DISP3: variants seen among roughly 807,000 people sequenced by gnomAD.
The protein encoded by DISP3 is protein dispatched homolog 3.
DISP3 carries 101 observed loss-of-function variants against 135.3 expected under a neutral mutation model. The observed-to-expected ratio is 0.75, with a 90% CI of 0.64 to 0.88. DISP3 has a LOEUF of 0.88. Ranked by LOEUF, DISP3 falls within the 40% of genes least tolerant of loss-of-function variation. The pLI is 0.00. For synonymous variants in DISP3, 856 were observed against 817.0 expected (o/e 1.05, Z -0.81); for missense variants, 1,713 against 1,878.6 (o/e 0.91, Z 1.63).
chr1:11,481,003 C>T (rs1056644441), intron 1 of DISP3, among the ~76,000 whole-genome samples: 2 of 151,758 alleles, frequency 1.3e-5, no homozygotes, highest in African/African-American at 4.8e-5. Context: ...TTTGCTTGTA[C>T]CCTCTGTTTC....
In DISP3 at chr1:11,531,451, G is replaced by T. The variant is rs1045640380; in HGVS notation, c.3230-114G>T. The T allele has an allele frequency of 9.5e-6, 14 of 1,470,386 alleles. No homozygotes were observed. The highest frequency in any genetic ancestry group is 1.3e-5 in the Non-Finnish European group (14 of 1,065,012). The allele number at this position is 1,470,386 out of a possible 1,614,324, so 91.1% of individuals were successfully genotyped here. A position where few individuals can be genotyped will look rare whatever the true frequency, so the allele number is the denominator to read the frequency against. ...TAGGTTTCCCAATGCCGTTGCCAATGGTTACAAGCACTCTAAGCCTCAGAG... is the reference window on the plus strand; with the variant it reads ...TAGGTTTCCCAATGCCGTTGCCAATTGTTACAAGCACTCTAAGCCTCAGAG... On this transcript the variant is annotated intron_variant, in intron 16 of 20. Coordinates refer to ENST00000294484, the MANE Select transcript of DISP3 (RefSeq NM_020780.2). The surrounding 1 kb of genome is among the most constrained non-coding windows in gnomAD (Gnocchi z 5.2).
At position 11,501,596 on chromosome 1, in the gene DISP3, C is replaced by G. The variant is rs1475982304; in HGVS notation, c.604C>G (p.Arg202Gly). The G allele has an allele frequency of 6.3e-7, 1 of 1,598,996 alleles. No homozygotes were observed. Among genetic ancestry groups the G allele is most frequent in the Non-Finnish European group, 8.5e-7 (1 of 1,171,882 alleles). ...AQKPTANRSG[R>G]LRRETPPLED... ...AAAGCCCACAGCCAATCGGAGCGGG[C>G]GACTTCGGCGTGAGACCCCGCCCCT... Residue 202 changes from arginine to glycine, a missense_variant, in exon 2 of 21, where the codon CGA becomes GGA. By Grantham distance (125) the Arg-to-Gly change is moderately radical (BLOSUM62 -2). Transcript: ENST00000294484. This position sits in a 1 kb window ranked among gnomAD's most constrained non-coding sequence, Gnocchi z 4.9.
At position 11,533,646 on chromosome 1, in the gene DISP3, A is replaced by G. The variant is rs574359577; in HGVS notation, c.3376-735A>G. On this transcript the variant is annotated intron_variant, in intron 17 of 20. Transcript: ENST00000294484. ...CCCTCTGCAGACTGAAGCCCCAGGC[A>G]GTTCCAGGGAGGAGAGAAGTCCCCA... The G allele has an allele frequency of 3.7e-5, 24 of 641,584 alleles. No individual in the cohort carries two copies. The South Asian group carries it at 3.9e-4, about 10-fold the overall frequency. The allele number at this position is 641,584 out of a possible 1,614,324, so 39.7% of individuals were successfully genotyped here.
chr1:11,523,302 C>T (rs1325471219), intron 10 of DISP3, among the ~76,000 whole-genome samples: 1 of 152,234 alleles, frequency 6.6e-6, no homozygotes, highest in African/African-American at 2.4e-5. Context: ...ATATGTCTCC[C>T]ACCATGTCTG....
In DISP3 at chr1:11,531,050, G is replaced by T. The variant is rs1050728111; in HGVS notation, c.3229+17G>T. 2.5e-6 allele frequency: 4 copies of T among 1,612,476 alleles called. No homozygotes were observed. Among genetic ancestry groups the T allele is most frequent in the Non-Finnish European group, 2.5e-6 (3 of 1,179,854 alleles). Reference sequence around the variant, plus strand: ...TGCCTTCAGGTGCGTGGGGTGTGGGGAGCTGGTTCCTCCGAGGGAGGATGG... The same window carrying T: ...TGCCTTCAGGTGCGTGGGGTGTGGGTAGCTGGTTCCTCCGAGGGAGGATGG... On this transcript the variant is annotated intron_variant, in intron 16 of 20. Coordinates refer to ENST00000294484, the MANE Select transcript of DISP3 (RefSeq NM_020780.2). This position sits in a 1 kb window ranked among gnomAD's most constrained non-coding sequence, Gnocchi z 5.2.
Position 11,501,034 on chromosome 1 carries a change from AGAG to A in DISP3, c.49_51del (p.Glu17del), listed in dbSNP as rs777811294. The A allele has an allele frequency of 6.2e-7, 1 of 1,614,030 alleles. No individual in the cohort carries two copies. Among genetic ancestry groups the A allele is most frequent in the Non-Finnish European group, 8.5e-7 (1 of 1,179,962 alleles). ...ACCCCTTGCTGCAGGATGTGTGGCT[AGAG>A]GAGGAGCAGGAGGAGGAAGAAGCAA... On this transcript the variant is annotated inframe_deletion, in exon 2 of 21. Transcript: ENST00000294484. This position sits in a 1 kb window ranked among gnomAD's most constrained non-coding sequence, Gnocchi z 4.9.
chr1:11,525,968 C>T (rs2817635), intron 12 of DISP3, among the ~76,000 whole-genome samples: 20,758 of 152,118 alleles, frequency 0.14, 1,784 homozygotes, highest in East Asian at 0.46. Context: ...CACCACCATG[C>T]CAGCTAATTT....
chr1:11,517,702 C>T (rs1413502873), intron 7 of DISP3, 100 bp downstream of exon 7: 2 of 1,437,072 alleles, frequency 1.4e-6, no homozygotes, highest in Non-Finnish European at 1.9e-6. Flanking sequence ...TTCTGTATGA[C>T]CAGTCCTTTG....
In DISP3 at chr1:11,494,646, C is replaced by A. The variant is rs114275647; in HGVS notation, c.-3-6344C>A. Reference sequence around the variant, plus strand: ...ATTTTGAGCTTCTGCCCAAAACTCTCGACCCAAGGGTAAGAGAATCAAAGA... The same window carrying A: ...ATTTTGAGCTTCTGCCCAAAACTCTAGACCCAAGGGTAAGAGAATCAAAGA... On this transcript the variant is annotated intron_variant, in intron 1 of 20. Transcript: ENST00000294484. Among the ~76,000 whole-genome samples the A allele has an allele frequency of 2.0e-5, 3 of 152,144 alleles. No homozygotes were observed. In the South Asian group the frequency reaches 6.2e-4, roughly 32 times the overall value.
In DISP3 at chr1:11,501,569, C is replaced by G. The variant is rs752515627; in HGVS notation, c.577C>G (p.Gln193Glu). 3 of 1,588,728 alleles carry G rather than the reference C, an allele frequency of 1.9e-6. No individual in the cohort carries two copies. Among genetic ancestry groups the G allele is most frequent in the South Asian group, 2.3e-5 (2 of 88,374 alleles). ...PGPYRDTSAA[Q>E]KPTANRSGRL... is the part of the protein sequence containing the mutation. ...CCCTTACCGGGACACTTCCGCGGCT[C>G]AAAAGCCCACAGCCAATCGGAGCGG... Residue 193 changes from glutamine (Q) to glutamate (E), a missense_variant, in exon 2 of 21, where the codon CAA becomes GAA. Gln to Glu is a conservative substitution (Grantham distance 29). Transcript: ENST00000294484. This position sits in a 1 kb window ranked among gnomAD's most constrained non-coding sequence, Gnocchi z 4.9.
Position 11,520,332 on chromosome 1 carries a change from G to A in DISP3, c.2201-355G>A, listed in dbSNP as rs1642148249. ...GCGGTAAGTGCTCAGTGAATGTCAA[G>A]TGCTATTATCATTGTCATCTTCGAC... On this transcript the variant is annotated intron_variant, in intron 9 of 20. Transcript: ENST00000294484. The surrounding 1 kb of genome is among the most constrained non-coding windows in gnomAD (Gnocchi z 4.8). 6.6e-6 allele frequency among the ~76,000 whole-genome samples: 1 copy of A among 152,212 alleles called. No individual in the cohort carries two copies. Among genetic ancestry groups the A allele is most frequent in the South Asian group, 2.1e-4 (1 of 4,834 alleles).
At chr1:11,515,922 C>T in intron 5 of DISP3, 79 bp from the exon 6 acceptor site, 1 of 1,527,952 alleles carries the variant, frequency 6.5e-7, no homozygotes. Context: ...GCCACTCACA[C>T]TTGGTCTAGG....
intron 3 of DISP3, among the ~76,000 whole-genome samples, chr1:11,510,501 T>C (rs1333679130): frequency 6.6e-6 from 1 of 152,238 alleles, no homozygotes; most frequent in Non-Finnish European, 1.5e-5. Context: ...TATTTTAATG[T>C]ATATTATAAA....
intron 1 of DISP3, among the ~76,000 whole-genome samples, chr1:11,489,975 C>T (rs1366853146): frequency 6.6e-6 from 1 of 152,170 alleles, no homozygotes; most frequent in African/African-American, 2.4e-5. Context: ...GGTCATATAT[C>T]GTTGGGATCT....
At chr1:11,500,016 T>C (rs1641456601) in intron 1 of DISP3, among the ~76,000 whole-genome samples, 1 of 152,242 alleles carries the variant, frequency 6.6e-6, no homozygotes, top group South Asian at 2.1e-4. Context: ...CCGGAAAGCC[T>C]CCTCTCTTTG....
chr1:11,527,008 G>A (rs1642440651), intron 13 of DISP3, among the ~76,000 whole-genome samples, 173 bp downstream of exon 13: 1 of 150,234 alleles, frequency 6.7e-6, no homozygotes, highest in Non-Finnish European at 1.5e-5. Context: ...TTGGCTCACT[G>A]TAACCTCTGC....
Sources: allele counts gnomAD v4.1 joint callset (sites outside exome capture counted in the v4.1 genomes callset), GRCh38; gene constraint gnomAD v4.1.1; non-coding constraint Gnocchi (gnomAD v3.1); transcripts MANE v1.5; gene names NCBI Gene and HGNC (gene_info 2026-07-23, HGNC 2026-07-21).